PARPBP: variants seen among roughly 807,000 people sequenced by gnomAD.
PARPBP encodes the protein PARP1 binding protein, also known as PCNA-interacting partner.
PARPBP carries 52 observed loss-of-function variants against 50.0 expected under a neutral mutation model. The observed-to-expected ratio is 1.04, with a 90% confidence interval of 0.83 to 1.31. The LOEUF is 1.31. Ranked by LOEUF, PARPBP falls within the 50% of genes most tolerant of loss-of-function variation. PARPBP has a pLI of 0.00. For missense variants in PARPBP, 697 were observed against 672.0 expected, an observed-to-expected ratio of 1.04 and a Z score of -0.41; for synonymous variants, 244 against 232.1, an observed-to-expected ratio of 1.05 and a Z score of -0.47.
Position 102,153,911 on chromosome 12 carries a change from G to T in PARPBP, c.430G>T (p.Gly144Cys), listed in dbSNP as rs1886543787. Residue 144 changes from glycine (G) to cysteine (C), a missense_variant, in exon 4 of 11, where the codon GGT becomes TGT. Physicochemically the swap from Gly to Cys is radical, Grantham distance 159. Coordinates refer to ENST00000327680, the MANE Select transcript of PARPBP (RefSeq NM_017915.5). Reference protein sequence around the residue: ...DFLSGKQYAVGDETDLSIPTS... With the variant: ...DFLSGKQYAVCDETDLSIPTS... Reference sequence around the variant, plus strand: ...TCTGTCTGGCAAACAGTATGCAGTAGGTGATGAAACTGATCTTTCTATACC... The same window carrying T: ...TCTGTCTGGCAAACAGTATGCAGTATGTGATGAAACTGATCTTTCTATACC... 1 of 1,611,450 alleles carries T rather than the reference G, an allele frequency of 6.2e-7. No homozygotes were observed. Among genetic ancestry groups the T allele is most frequent in the South Asian group, 1.1e-5 (1 of 91,024 alleles).
intron 9 of PARPBP, among the ~76,000 whole-genome samples, chr12:102,183,315 A>C (rs183926008): frequency 6.6e-6 from 1 of 152,288 alleles, no homozygotes; most frequent in Admixed American, 6.5e-5. Context: ...TAAAATTTAT[A>C]ATCATCCTTA....
intron 4 of PARPBP, among the ~76,000 whole-genome samples, chr12:102,164,151 G>A (rs1216271620): frequency 6.6e-6 from 1 of 152,044 alleles, no homozygotes; most frequent in Non-Finnish European, 1.5e-5. Flanking sequence ...TTCTATGTTG[G>A]TATACAACTG....
chr12:102,164,777 G>T (rs184555441), intron 5 of PARPBP, 169 bp downstream of exon 5: 7 of 632,454 alleles, frequency 1.1e-5, no homozygotes, highest in Admixed American at 2.6e-5. Context: ...TTCAAGTTTG[G>T]TAAAGGAGAA....
intron 8 of PARPBP, among the ~76,000 whole-genome samples, chr12:102,179,575 C>G (rs1028803177): frequency 1.3e-5 from 2 of 152,166 alleles, no homozygotes; most frequent in African/African-American, 4.8e-5. Flanking sequence ...TTGGTAGAAG[C>G]ACATGGAGAG....
Position 102,196,935 on chromosome 12 carries a change from G to T in PARPBP, c.*644G>T. 1 of 1,492,738 alleles carries T rather than the reference G, an allele frequency of 6.7e-7. No individual in the cohort carries two copies. Among genetic ancestry groups the T allele is most frequent in the Non-Finnish European group, 9.3e-7 (1 of 1,072,614 alleles). 92.5% of individuals were successfully genotyped at this position (1,492,738 alleles called of 1,614,324 possible). ...TAACTCAGAGTTCTGTTTAATGGTG[G>T]TAGGATGTAAGAATTGAATTTTGAA... On this transcript the variant is annotated 3_prime_UTR_variant, in exon 11 of 11. Transcript: ENST00000327680.
intron 6 of PARPBP, among the ~76,000 whole-genome samples, chr12:102,171,002 A>G (rs943193964): frequency 6.6e-6 from 1 of 151,412 alleles, no homozygotes; most frequent in African/African-American, 2.4e-5. Context: ...AGGATTATCA[A>G]TATGACTGTC....
At chr12:102,123,541 T>C (rs1881486322) in intron 1 of PARPBP, among the ~76,000 whole-genome samples, 1 of 151,378 alleles carries the variant, frequency 6.6e-6, no homozygotes, top group Non-Finnish European at 1.5e-5. Flanking sequence ...ATTACCTATC[T>C]CAAAACAAAT....
In PARPBP at chr12:102,196,850, G is replaced by A. The variant is rs192810118; in HGVS notation, c.*559G>A. 1 of 1,055,622 alleles carries A rather than the reference G, an allele frequency of 9.5e-7. No individual in the cohort carries two copies. The highest frequency in any genetic ancestry group is 1.4e-6 in the Non-Finnish European group (1 of 707,268). The allele number at this position is 1,055,622 out of a possible 1,614,324, so 65.4% of individuals were successfully genotyped here. A position where few individuals can be genotyped will look rare whatever the true frequency, so the allele number is the denominator to read the frequency against. On this transcript the variant is annotated 3_prime_UTR_variant, in exon 11 of 11. Transcript: ENST00000327680. Reference sequence around the variant, plus strand: ...GTTGCTATTTAATCCCACATTTTTGGCAGGTGTAATTGAGCCATGGTCTTA... The same window carrying A: ...GTTGCTATTTAATCCCACATTTTTGACAGGTGTAATTGAGCCATGGTCTTA...
intron 1 of PARPBP, among the ~76,000 whole-genome samples, chr12:102,121,171 GC>G (rs1881002397): frequency 1.3e-5 from 2 of 152,338 alleles, no homozygotes; most frequent in East Asian, 3.9e-4. Flanking sequence ...GGCTCCCACA[GC>G]CAGCTAGCTA....
intron 4 of PARPBP, among the ~76,000 whole-genome samples, chr12:102,156,752 C>T (rs565430787): frequency 6.6e-6 from 1 of 152,250 alleles, no homozygotes; most frequent in Non-Finnish European, 1.5e-5. Flanking sequence ...AGCGATCCTC[C>T]CACCTCAGCC....
In PARPBP at chr12:102,163,843, T is replaced by C. The variant is rs73384859; in HGVS notation, c.496-595T>C. ...TGGTAACAGATATTCTTTTAATTCA[T>C]TGAACATATTTCCTGTTAATATCTT... On this transcript the variant is annotated intron_variant, in intron 4 of 10. Transcript: ENST00000327680. 6.3e-3 allele frequency among the ~76,000 whole-genome samples: 961 copies of C among 152,336 alleles called. 10 individuals are homozygous for C. The highest frequency in any genetic ancestry group is 0.021 in the African/African-American group (854 of 41,572).
chr12:102,146,910 C>T (rs1460341062), intron 2 of PARPBP, among the ~76,000 whole-genome samples: 1 of 152,022 alleles, frequency 6.6e-6, no homozygotes, highest in Non-Finnish European at 1.5e-5. Flanking sequence ...GGGCAAAGGA[C>T]ATGAACAGAC....
intron 6 of PARPBP, among the ~76,000 whole-genome samples, chr12:102,169,297 G>A (rs367624291): frequency 3.3e-5 from 5 of 152,148 alleles, no homozygotes; most frequent in East Asian, 1.9e-4. Context: ...CTACATATAT[G>A]CAAATTCTTC....
intron 2 of PARPBP, among the ~76,000 whole-genome samples, chr12:102,136,874 C>T (rs1415105994): frequency 6.6e-6 from 1 of 152,146 alleles, no homozygotes; most frequent in African/African-American, 2.4e-5. Flanking sequence ...TTGTATATAT[C>T]CATGACGTAT....
rs533011242 is a variant in PARPBP at position 102,143,207 on chromosome 12, C to G, written c.154-5023C>G. ...CAGCAATGGCAGACGCCCCCCACCC[C>G]CAGCTGCCTTGCAGTTCGATCTCAG... On this transcript the variant is annotated intron_variant, in intron 2 of 10. Coordinates refer to ENST00000327680, the MANE Select transcript of PARPBP (RefSeq NM_017915.5). Among the ~76,000 whole-genome samples, 59 of 152,120 alleles carry G rather than the reference C, an allele frequency of 3.9e-4. No individual in the cohort carries two copies. The South Asian group carries it at 6.2e-3, about 16-fold the overall frequency.
At chr12:102,195,874 A>G in intron 10 of PARPBP, 77 bp from the exon 11 acceptor site, 2 of 900,338 alleles carry the variant, frequency 2.2e-6, no homozygotes, top group East Asian at 5.2e-5. Context: ...CCATTTTTAA[A>G]GTTTATTGTA....
intron 9 of PARPBP, among the ~76,000 whole-genome samples, chr12:102,193,208 A>T (rs11111199): frequency 0.017 from 2,563 of 152,034 alleles, 69 homozygotes; most frequent in African/African-American, 0.06. Context: ...CATAGCAAGC[A>T]AAGATTTTTT....
intron 2 of PARPBP, among the ~76,000 whole-genome samples, chr12:102,128,737 C>T (rs956537053): frequency 3.3e-5 from 5 of 152,074 alleles, no homozygotes; most frequent in African/African-American, 1.2e-4. Flanking sequence ...TTGATGGATA[C>T]TTAGGTTGAT....
At chr12:102,161,278 T>C (rs1398109432) in intron 4 of PARPBP, among the ~76,000 whole-genome samples, 1 of 151,854 alleles carries the variant, frequency 6.6e-6, no homozygotes, top group Non-Finnish European at 1.5e-5. Flanking sequence ...GCTAATTTTT[T>C]TGTATTTTTA....
Sources: gnomAD v4.1 joint callset for allele counts (sites outside exome capture counted in the v4.1 genomes callset) on GRCh38, gnomAD v4.1.1 for gene constraint, MANE v1.5 for transcripts, NCBI Gene and HGNC (gene_info 2026-07-23, HGNC 2026-07-21) for gene names.